Variants in TPR observed in about 807,000 individuals in gnomAD.
The protein encoded by TPR is translocated promoter region, nuclear basket protein, also known as nucleoprotein TPR.
TPR carries 51 observed loss-of-function variants against 316.1 expected under a neutral mutation model. The ratio of observed to expected loss-of-function variants is 0.16; its 90% CI spans 0.13 to 0.20. The LOEUF is 0.20. Ranked by LOEUF, TPR falls within the 10% of genes least tolerant of loss-of-function variation. The pLI is 1.00. For synonymous variants in TPR, 981 were observed against 914.7 expected, an observed-to-expected ratio of 1.07 and a Z score of -1.31; for missense variants, 2,272 against 2,754.8, an observed-to-expected ratio of 0.82 and a Z score of 3.92.
rs1015004675 is a variant in TPR at position 186,312,444 on chromosome 1, C to T, written c.*1527G>A. ...TAATACAGTTTCTTATACAGTAAGG[C>T]TTATGAAATATGGATACTGATCAAA... On this transcript the variant is annotated 3_prime_UTR_variant, in exon 51 of 51. Transcript: ENST00000367478. The T allele has an allele frequency of 1.5e-6, 2 of 1,361,962 alleles. No individual in the cohort carries two copies. Among genetic ancestry groups the T allele is most frequent in the East Asian group, 4.6e-5 (2 of 43,506 alleles). The allele number at this position is 1,361,962 out of a possible 1,614,324, so 84.4% of individuals were successfully genotyped here.
chr1:186,363,190 G>T, intron 5 of TPR, 152 bp downstream of exon 5: 2 of 935,292 alleles, frequency 2.1e-6, no homozygotes, highest in South Asian at 1.6e-5. Context: ...CAAAACAGAT[G>T]AACTAGAATT....
In TPR at chr1:186,313,112, T is replaced by C. The variant is rs1657407379; in HGVS notation, c.*859A>G. 1 of 553,230 alleles carries C rather than the reference T, an allele frequency of 1.8e-6. No homozygotes were observed. The highest frequency in any genetic ancestry group is 3.2e-6 in the Non-Finnish European group (1 of 309,876). The allele number at this position is 553,230 out of a possible 1,614,324, so 34.3% of individuals were successfully genotyped here. ...TGCTCTAACCTTCATGAGATTACGA[T>C]AAAACATCCAGTTACTAGAGTAAAC... is the stretch of plus-strand genomic sequence containing the variant. On this transcript the variant is annotated 3_prime_UTR_variant, in exon 51 of 51. Transcript: ENST00000367478.
At position 186,341,313 on chromosome 1, in the gene TPR, T is replaced by C; in HGVS notation, c.3827A>G (p.Asn1276Ser). The C allele has an allele frequency of 1.2e-6, 2 of 1,614,030 alleles. No homozygotes were observed. Among genetic ancestry groups the C allele is most frequent in the Non-Finnish European group, 1.7e-6 (2 of 1,180,002 alleles). Residue 1276 changes from asparagine (N) to serine (S), a missense_variant, in exon 28 of 51, where the codon AAT (asparagine) becomes AGT (serine). Around this residue, in one of 10 missense-constraint regions of TPR, gnomAD observed 757 missense variants for 859.8 expected, o/e 0.88. Transcript: ENST00000367478. ...CTCCTTCTCTTCTCTTAGCATTTTA[T>C]TGGTCTCCATAACTACATTCATTGT... is the stretch of plus-strand genomic sequence containing the variant. ...TETMNVVMET[N>S]KMLREEKERL...
rs372435712 is a variant in TPR, at chr1:186,325,791, G to A, written c.6085C>T (p.His2029Tyr). 2 of 1,613,334 alleles carry A rather than the reference G, an allele frequency of 1.2e-6. No individual in the cohort carries two copies. Among genetic ancestry groups the A allele is most frequent in the East Asian group, 2.2e-5 (1 of 44,852 alleles). The change falls in exon 42 of 51, where the codon CAC becomes TAC. Residue 2029 changes from histidine to tyrosine, a missense_variant. By Grantham distance (83) the His-to-Tyr change is moderately conservative. This residue lies in a region of TPR where 435 missense variants were observed against 461.1 expected (regional missense o/e 0.94). Transcript: ENST00000367478. ...CTGTTTTGAGAATCAGCAGCTCTGT[G>A]ATTACCTTCACCTCCACCCATACTT... is the stretch of plus-strand genomic sequence containing the variant. The part of the protein sequence containing the change: ...EESMGGGEGN[H>Y]RAADSQNSGE...
intron 38 of TPR, among the ~76,000 whole-genome samples, chr1:186,331,950 T>G (rs1342002116): frequency 6.6e-6 from 1 of 152,130 alleles, no homozygotes; most frequent in African/African-American, 2.4e-5. Flanking sequence ...ATTCAACTTA[T>G]GTTTTTATGA....
chr1:186,362,419 A>G, intron 6 of TPR, 39 bp from the exon 7 acceptor site: 1 of 1,472,964 alleles, frequency 6.8e-7, no homozygotes. Flanking sequence ...AGGATGTCAT[A>G]TTAACTGAAA....
chr1:186,368,123 A>C, intron 3 of TPR, 141 bp from the exon 4 acceptor site: 1 of 564,860 alleles, frequency 1.8e-6, no homozygotes, highest in South Asian at 2.8e-5. Flanking sequence ...AAGTTAAAAA[A>C]TACCCGTAAT....
At chr1:186,374,805 T>A (rs1558047413) in intron 1 of TPR, 73 bp downstream of exon 1, 4 of 1,506,022 alleles carry the variant, frequency 2.7e-6, no homozygotes, top group Middle Eastern at 2.0e-4. Context: ...AGTGCCAACT[T>A]GATGGGGGAA....
chr1:186,321,875 G>A (rs1276468848), intron 45 of TPR, among the ~76,000 whole-genome samples: 1 of 152,162 alleles, frequency 6.6e-6, no homozygotes, highest in Non-Finnish European at 1.5e-5. Context: ...AATTTATCAT[G>A]TGTCAGGTAA....
chr1:186,358,788 A>G, intron 12 of TPR, 138 bp from the exon 13 acceptor site: 3 of 665,842 alleles, frequency 4.5e-6, no homozygotes, highest in Non-Finnish European at 7.4e-6. Context: ...TGTAGCCACT[A>G]AAAAAGAAGT....
chr1:186,350,771 C>A (rs945764601), intron 20 of TPR, among the ~76,000 whole-genome samples: 2 of 152,124 alleles, frequency 1.3e-5, no homozygotes, highest in African/African-American at 4.8e-5. Context: ...ACAGAGTACC[C>A]TGGAGCTCTA....
rs970963501 is a variant in TPR, at chr1:186,312,576, T to C, written c.*1395A>G. The C allele has an allele frequency of 4.6e-5, 36 of 778,924 alleles. No homozygotes were observed. The African/African-American group carries it at 5.4e-4, about 12-fold the overall frequency. 48.3% of individuals were successfully genotyped at this position (778,924 alleles called of 1,614,324 possible). A position where few individuals can be genotyped will look rare whatever the true frequency, so the allele number is the denominator to read the frequency against. On this transcript the variant is annotated 3_prime_UTR_variant, in exon 51 of 51. Transcript: ENST00000367478. ...CCTTGTGGGTAAGTAAAGCAGTTTG[T>C]TCAGGTTTGTTAGTTATAACCAATA...
intron 18 of TPR, among the ~76,000 whole-genome samples, chr1:186,353,095 A>G (rs769944992): frequency 3.3e-5 from 5 of 152,192 alleles, no homozygotes; most frequent in Admixed American, 6.5e-5. Context: ...TCGTCTGGCC[A>G]GGCACTGTGG....
At chr1:186,350,081 A>C (rs1384992617) in intron 21 of TPR, 142 bp downstream of exon 21, 2 of 807,212 alleles carry the variant, frequency 2.5e-6, no homozygotes, top group East Asian at 3.0e-5. Context: ...CCACTATATA[A>C]AGAAAAAGTT....
At chr1:186,355,067 G>C (rs901468411) in intron 17 of TPR, among the ~76,000 whole-genome samples, 1 of 151,976 alleles carries the variant, frequency 6.6e-6, no homozygotes, top group Non-Finnish European at 1.5e-5. Flanking sequence ...CTGCCGCTCA[G>C]CTAATTTTTG....
chr1:186,333,646 G>C (rs1658245748), intron 36 of TPR, among the ~76,000 whole-genome samples: 1 of 152,052 alleles, frequency 6.6e-6, no homozygotes, highest in Non-Finnish European at 1.5e-5. Flanking sequence ...TTAAATTACT[G>C]TTGAATAAAA....
Position 186,338,195 on chromosome 1 carries a change from C to T in TPR, c.4200G>A (p.Lys1400=), listed in dbSNP as rs1222506242. ...CAGTTCTTACTTTATTTAGATCTTC[C>T]TTCAGACTCTGAATTAAGTTCTGGT... The part of the protein sequence containing the change: ...TNNQNLIQSL[K]EDLNKVRTEK... Residue 1400 remains lysine, a synonymous_variant, in exon 31 of 51, where the codon AAG becomes AAA. Transcript: ENST00000367478. The T allele has an allele frequency of 9.9e-6, 16 of 1,612,390 alleles. No individual in the cohort carries two copies. The highest frequency in any genetic ancestry group is 1.4e-5 in the Non-Finnish European group (16 of 1,179,338).
Position 186,360,372 on chromosome 1 carries a change from A to C in TPR, c.1100-8T>G. 6.2e-7 allele frequency: 1 copy of C among 1,610,376 alleles called. No homozygotes were observed. Among genetic ancestry groups the C allele is most frequent in the Non-Finnish European group, 8.5e-7 (1 of 1,178,594 alleles). ...CTTCAGACAATATGGCTCCTGTGCC[A>C]ACAAATACACATCTAGTATAATTTG... is the stretch of plus-strand genomic sequence containing the variant. On this transcript the variant is annotated splice_polypyrimidine_tract_variant and splice_region_variant and intron_variant, in intron 10 of 50. Coordinates refer to ENST00000367478, the MANE Select transcript of TPR (RefSeq NM_003292.3).
chr1:186,355,184 C>T (rs1179464709), intron 17 of TPR, among the ~76,000 whole-genome samples: 1 of 152,094 alleles, frequency 6.6e-6, no homozygotes, highest in African/African-American at 2.4e-5. Flanking sequence ...GGATTACAGG[C>T]GTGAGCTGCT....
Sources: allele counts gnomAD v4.1 joint callset (sites outside exome capture counted in the v4.1 genomes callset), GRCh38; gene constraint gnomAD v4.1.1; regional missense constraint gnomAD v4.1.1; transcripts MANE v1.5; gene names NCBI Gene and HGNC (gene_info 2026-07-23, HGNC 2026-07-21).